Variants in GRIK1 observed in about 807,000 individuals in gnomAD.
The protein encoded by GRIK1 is glutamate receptor ionotropic, kainate 1.
Under a neutral mutation model 105.7 loss-of-function variants are expected in GRIK1, and 69 were observed. That is an observed-to-expected ratio of 0.65 (90% confidence interval 0.54 to 0.80). The LOEUF (loss-of-function observed/expected upper bound fraction) is 0.80, where lower values mean the gene tolerates loss of function less well. Ranked by LOEUF, GRIK1 falls within the 30% of genes least tolerant of loss-of-function variation. The pLI is 0.00. For synonymous variants in GRIK1, 438 were observed against 431.3 expected, an observed-to-expected ratio of 1.02 and a Z score of -0.19; for missense variants, 1,109 against 1,167.3, an observed-to-expected ratio of 0.95 and a Z score of 0.73.
chr21:29,721,426 T>C (rs140707825), intron 1 of GRIK1, among the ~76,000 whole-genome samples: 47 of 152,054 alleles, frequency 3.1e-4, no homozygotes, highest in Non-Finnish European at 5.6e-4. Flanking sequence ...CACAGCAGGT[T>C]ACACCCACAG....
chr21:29,613,252 A>G (rs1243869753), intron 7 of GRIK1, among the ~76,000 whole-genome samples: 1 of 152,186 alleles, frequency 6.6e-6, no homozygotes, highest in Non-Finnish European at 1.5e-5. Context: ...TTTGCAATGA[A>G]CCCTGCCCTA....
intron 1 of GRIK1, among the ~76,000 whole-genome samples, chr21:29,704,266 G>A (rs2063863938): frequency 6.6e-6 from 1 of 152,152 alleles, no homozygotes; most frequent in Non-Finnish European, 1.5e-5. Context: ...CATTACTGGT[G>A]TAGAGTACAG....
intron 13 of GRIK1, among the ~76,000 whole-genome samples, chr21:29,577,506 A>G (rs1463392030): frequency 6.6e-6 from 1 of 152,194 alleles, no homozygotes; most frequent in Non-Finnish European, 1.5e-5. Context: ...GCCTTTTATT[A>G]CTGTCTAAAT....
At chr21:29,596,438 T>C in intron 9 of GRIK1, 88 bp downstream of exon 9, 2 of 860,090 alleles carry the variant, frequency 2.3e-6, no homozygotes, top group Non-Finnish European at 4.1e-6. Flanking sequence ...GAGCTACAGG[T>C]CTGGTAACAT....
At chr21:29,756,077 G>T (rs980075875) in intron 1 of GRIK1, among the ~76,000 whole-genome samples, 1 of 152,200 alleles carries the variant, frequency 6.6e-6, no homozygotes, top group Non-Finnish European at 1.5e-5. Context: ...TTTATTACGA[G>T]GATGTGATAT....
intron 1 of GRIK1, among the ~76,000 whole-genome samples, chr21:29,717,985 G>A (rs1204791875): frequency 1.3e-5 from 2 of 152,074 alleles, no homozygotes; most frequent in African/African-American, 4.8e-5. Context: ...GTTAGTGAGT[G>A]AGTTCTCACA....
chr21:29,697,114 A>C (rs924740418), intron 1 of GRIK1, among the ~76,000 whole-genome samples: 1 of 152,206 alleles, frequency 6.6e-6, no homozygotes, highest in Non-Finnish European at 1.5e-5. Flanking sequence ...AAAAATGTAA[A>C]TGTTTTCATT....
At chr21:29,647,773 T>A (rs1404896859) in intron 6 of GRIK1, among the ~76,000 whole-genome samples, 2 of 152,220 alleles carry the variant, frequency 1.3e-5, no homozygotes, top group African/African-American at 4.8e-5. Context: ...GTAGATTTTA[T>A]AAAAATCACT....
intron 1 of GRIK1, among the ~76,000 whole-genome samples, chr21:29,877,622 G>C (rs2069237821): frequency 6.6e-6 from 1 of 152,102 alleles, no homozygotes; most frequent in Non-Finnish European, 1.5e-5. Flanking sequence ...GGAAACACTT[G>C]GTAGCAGATA....
intron 1 of GRIK1, among the ~76,000 whole-genome samples, chr21:29,916,751 T>C (rs1202323591): frequency 6.6e-6 from 1 of 151,950 alleles, no homozygotes; most frequent in East Asian, 1.9e-4. Flanking sequence ...ATTTCAAGTC[T>C]TAAATATCAC....
At chr21:29,542,988 G>T (rs1380503653) in intron 16 of GRIK1, among the ~76,000 whole-genome samples, 3 of 152,172 alleles carry the variant, frequency 2.0e-5, no homozygotes, top group Non-Finnish European at 4.4e-5. Flanking sequence ...TGCATTTTAT[G>T]TATAGACCTA....
At chr21:29,883,269 T>C (rs970863025) in intron 1 of GRIK1, among the ~76,000 whole-genome samples, 9 of 152,112 alleles carry the variant, frequency 5.9e-5, no homozygotes, top group African/African-American at 2.2e-4. Context: ...TTATAAACTC[T>C]TGTGGTTCTA....
chr21:29,831,099 G>C (rs183813639), intron 1 of GRIK1, among the ~76,000 whole-genome samples: 3 of 152,116 alleles, frequency 2.0e-5, no homozygotes, highest in Non-Finnish European at 4.4e-5. Flanking sequence ...TATTACAAAA[G>C]ATAAAAATAT....
intron 16 of GRIK1, among the ~76,000 whole-genome samples, chr21:29,542,519 A>T (rs2089988457): frequency 6.6e-6 from 1 of 152,174 alleles, no homozygotes. Flanking sequence ...GAAAATAACA[A>T]TTTTTTTAAG....
chr21:29,895,084 A>G (rs1298852389), intron 1 of GRIK1, among the ~76,000 whole-genome samples: 2 of 152,144 alleles, frequency 1.3e-5, no homozygotes, highest in Admixed American at 6.6e-5. Flanking sequence ...GGCTCAGAAA[A>G]GGGATGGGTT....
At chr21:29,869,049 C>T (rs1421208395) in intron 1 of GRIK1, among the ~76,000 whole-genome samples, 3 of 152,162 alleles carry the variant, frequency 2.0e-5, no homozygotes, top group Admixed American at 2.0e-4. Context: ...GCAGCAAGAT[C>T]CCCCAGAAAT....
intron 3 of GRIK1, among the ~76,000 whole-genome samples, chr21:29,674,182 T>A (rs117995307): frequency 0.022 from 3,286 of 152,086 alleles, 55 homozygotes; most frequent in Middle Eastern, 0.037. Context: ...AATTGTGATA[T>A]GCTCTGTGCA....
intron 4 of GRIK1, among the ~76,000 whole-genome samples, chr21:29,658,765 G>T (rs951308263): frequency 6.6e-6 from 1 of 152,118 alleles, no homozygotes; most frequent in East Asian, 1.9e-4. Context: ...AACTCAAAGG[G>T]TACATACTAG....
chr21:29,560,384 C>CTTTCTTT (rs1568813853), intron 15 of GRIK1, among the ~76,000 whole-genome samples: 4 of 51,008 alleles, frequency 7.8e-5, no homozygotes, highest in Admixed American at 4.7e-4. Flanking sequence ...TTCCTTCCTT[C>CTTTCTTT]CTTCCTTCCT....
Sources: gnomAD v4.1 joint callset for allele counts (sites outside exome capture counted in the v4.1 genomes callset) on GRCh38, gnomAD v4.1.1 for gene constraint, MANE v1.5 for transcripts, NCBI Gene and HGNC (gene_info 2026-07-23, HGNC 2026-07-21) for gene names.